Variants in CPED1 observed in about 807,000 individuals in gnomAD.
CPED1 encodes the protein cadherin-like and PC-esterase domain-containing protein 1.
Under a neutral mutation model 128.2 loss-of-function variants are expected in CPED1, and 114 were observed. That is an observed-to-expected ratio of 0.89 (90% CI 0.76 to 1.04). The LOEUF (loss-of-function observed/expected upper bound fraction) is 1.04, where lower values mean the gene tolerates loss of function less well. CPED1 is among the 50% of genes least tolerant of loss of function. The pLI, the probability that CPED1 is intolerant of heterozygous loss-of-function variation, is 0.00. For missense variants in CPED1, 1,211 were observed against 1,207.1 expected (o/e 1.00, Z -0.05); for synonymous variants, 462 against 426.7 (o/e 1.08, Z -1.02).
intron 16 of CPED1, among the ~76,000 whole-genome samples, chr7:121,171,515 A>G (rs1346880009): frequency 6.6e-6 from 1 of 152,188 alleles, no homozygotes; most frequent in East Asian, 1.9e-4. Context: ...GCATTTTAAA[A>G]ATATACAGTG....
At chr7:121,063,606 G>A (rs923727031) in intron 4 of CPED1, among the ~76,000 whole-genome samples, 1 of 152,138 alleles carries the variant, frequency 6.6e-6, no homozygotes, top group Non-Finnish European at 1.5e-5. Context: ...AATTTATACT[G>A]ATCTGTTGGT....
rs1584619814 is a variant in CPED1, at chr7:121,236,069, G to A, written c.2056-645G>A. Among the ~76,000 whole-genome samples the A allele has an allele frequency of 2.0e-5, 3 of 152,146 alleles. No individual in the cohort carries two copies. In the South Asian group the frequency reaches 6.2e-4, roughly 32 times the overall value. Reference sequence around the variant, plus strand: ...AATAAGCTAAGAGAAAATGAGACTGGTCCAGCCTGCGGGTGCAGCTCAGTG... The same window carrying A: ...AATAAGCTAAGAGAAAATGAGACTGATCCAGCCTGCGGGTGCAGCTCAGTG... On this transcript the variant is annotated intron_variant, in intron 16 of 22. Transcript: ENST00000310396.
Position 120,994,412 on chromosome 7 carries a change from A to G in CPED1, c.249+4542A>G, listed in dbSNP as rs571095482. On this transcript the variant is annotated intron_variant, in intron 2 of 22. Coordinates refer to ENST00000310396, the MANE Select transcript of CPED1 (RefSeq NM_024913.5). ...TTAGCCTCTTTATGAGATACAAGTT[A>G]TATAGAAATAAAAGCTTCTGTGAGA... is the stretch of plus-strand genomic sequence containing the variant. Among the ~76,000 whole-genome samples the G allele has an allele frequency of 4.6e-5, 7 of 152,348 alleles. No homozygotes were observed. The South Asian group carries it at 1.4e-3, about 32-fold the overall frequency.
chr7:121,097,321 A>C (rs1303599466), intron 5 of CPED1, among the ~76,000 whole-genome samples: 1 of 152,168 alleles, frequency 6.6e-6, no homozygotes, highest in Non-Finnish European at 1.5e-5. Context: ...TTTTCTATGT[A>C]ATATTCTCAT....
At chr7:121,277,161 A>G (rs112376096) in intron 22 of CPED1, among the ~76,000 whole-genome samples, 1 of 152,156 alleles carries the variant, frequency 6.6e-6, no homozygotes, top group African/African-American at 2.4e-5. Flanking sequence ...TGTGGCATGC[A>G]GGAGTGGGAA....
intron 3 of CPED1, among the ~76,000 whole-genome samples, chr7:121,027,093 A>T (rs1792612018): frequency 1.3e-5 from 2 of 151,040 alleles, no homozygotes; most frequent in African/African-American, 4.9e-5. Flanking sequence ...GTCCCGCCTC[A>T]GCATCTCAAA....
At chr7:121,226,761 C>T (rs1345602709) in intron 16 of CPED1, among the ~76,000 whole-genome samples, 1 of 152,026 alleles carries the variant, frequency 6.6e-6, no homozygotes, top group Non-Finnish European at 1.5e-5. Flanking sequence ...AATGTGATAT[C>T]TCAAGGGTGA....
At position 121,179,857 on chromosome 7, in the gene CPED1, G is replaced by A. The variant is rs566006869; in HGVS notation, c.2055+37716G>A. Among the ~76,000 whole-genome samples the A allele has an allele frequency of 4.6e-5, 7 of 152,132 alleles. No homozygotes were observed. The East Asian group carries it at 9.7e-4, about 21-fold the overall frequency. On this transcript the variant is annotated intron_variant, in intron 16 of 22. Transcript: ENST00000310396. ...GCTTTGATAGTCTGAAGTTTTGTTAGTAACCATTTAATGTTTTAAATTATT... is the reference window on the plus strand; with the variant it reads ...GCTTTGATAGTCTGAAGTTTTGTTAATAACCATTTAATGTTTTAAATTATT...
chr7:121,253,375 A>C (rs189449296), intron 18 of CPED1, among the ~76,000 whole-genome samples: 244 of 151,598 alleles, frequency 1.6e-3, no homozygotes, highest in African/African-American at 5.3e-3. Flanking sequence ...TGACGAGTTA[A>C]TGGGTGCAGC....
chr7:121,080,683 A>G (rs937913459), intron 5 of CPED1, among the ~76,000 whole-genome samples: 1 of 151,364 alleles, frequency 6.6e-6, no homozygotes, highest in Non-Finnish European at 1.5e-5. Context: ...TGTATTATTT[A>G]CTTATGCATT....
chr7:121,038,476 C>T (rs1373190808), intron 3 of CPED1, among the ~76,000 whole-genome samples: 1 of 152,082 alleles, frequency 6.6e-6, no homozygotes, highest in Non-Finnish European at 1.5e-5. Flanking sequence ...TGTGATACAA[C>T]ATTCTAAGTA....
intron 16 of CPED1, among the ~76,000 whole-genome samples, chr7:121,192,619 C>T (rs73215395): frequency 4.5e-5 from 6 of 133,216 alleles, no homozygotes; most frequent in Non-Finnish European, 9.6e-5. Context: ...ACATTATGTT[C>T]AAACTTAAAT....
chr7:121,284,655 G>A (rs1167106753), intron 22 of CPED1, among the ~76,000 whole-genome samples: 3 of 152,126 alleles, frequency 2.0e-5, no homozygotes, highest in African/African-American at 4.8e-5. Flanking sequence ...AATCCAGCGG[G>A]GCAATCATTA....
chr7:121,116,132 T>C (rs1385838657), intron 7 of CPED1, among the ~76,000 whole-genome samples: 1 of 152,226 alleles, frequency 6.6e-6, no homozygotes, highest in Non-Finnish European at 1.5e-5. Context: ...TTTAAAGTTT[T>C]CAGCTATGAA....
chr7:120,995,906 TCTTCTTCTC>T (rs1796390340), intron 2 of CPED1, among the ~76,000 whole-genome samples: 4 of 137,182 alleles, frequency 2.9e-5, no homozygotes, highest in Admixed American at 7.1e-5. Context: ...TTCCTCTTCT[TCTTCTTCTC>T]CTTCTCCTCC....
chr7:121,048,949 G>T (rs1432132103), intron 4 of CPED1, among the ~76,000 whole-genome samples: 1 of 151,822 alleles, frequency 6.6e-6, no homozygotes, highest in Non-Finnish European at 1.5e-5. Flanking sequence ...TTGCTCAATG[G>T]TTTTTCTGAA....
intron 16 of CPED1, among the ~76,000 whole-genome samples, chr7:121,188,393 C>T (rs1797053932): frequency 1.3e-5 from 2 of 152,126 alleles, no homozygotes; most frequent in African/African-American, 4.8e-5. Context: ...TCTGTCCCTT[C>T]AAGCATTTAT....
Position 121,128,488 on chromosome 7 carries a change from T to G in CPED1, c.1407+2T>G, listed in dbSNP as rs771470969. The stretch of plus-strand genomic sequence containing the variant: ...GGAAGTCTGGGACAATTCCAACTGG[T>G]AAAGCAAAAGTGACATTTGATTCTT... On this transcript the variant is annotated splice_donor_variant, in intron 11 of 22. Coordinates refer to ENST00000310396, the MANE Select transcript of CPED1 (RefSeq NM_024913.5). LOFTEE classifies it high-confidence loss of function. The G allele has an allele frequency of 6.8e-7, 1 of 1,480,694 alleles. No individual in the cohort carries two copies. Among genetic ancestry groups the G allele is most frequent in the Non-Finnish European group, 9.4e-7 (1 of 1,058,628 alleles). 91.7% of individuals were successfully genotyped at this position (1,480,694 alleles called of 1,614,324 possible). A position where few individuals can be genotyped will look rare whatever the true frequency, so the allele number is the denominator to read the frequency against.
At chr7:121,119,516 G>T (rs1391343718) in intron 7 of CPED1, among the ~76,000 whole-genome samples, 9 of 149,654 alleles carry the variant, frequency 6.0e-5, no homozygotes. Context: ...AGGTATTTGG[G>T]TTACTTCAGA....
Sources: allele counts gnomAD v4.1 joint callset (sites outside exome capture counted in the v4.1 genomes callset), GRCh38; gene constraint gnomAD v4.1.1; transcripts MANE v1.5; gene names NCBI Gene and HGNC (gene_info 2026-07-23, HGNC 2026-07-21).